Variants in ECD observed in about 807,000 individuals in gnomAD.
ECD encodes the protein ecdysoneless cell cycle regulator, also known as protein ecdysoneless homolog.
ECD carries 59 observed loss-of-function variants against 77.2 expected under a neutral mutation model. The observed-to-expected ratio is 0.76, with a 90% CI of 0.62 to 0.95. ECD has a LOEUF of 0.95. Among genes scored for constraint, ECD ranks in the 40% least tolerant of loss-of-function variants. The pLI is 0.00. For missense variants in ECD, 704 were observed against 763.4 expected, an observed-to-expected ratio of 0.92 and a Z score of 0.92; for synonymous variants, 233 against 267.4, an observed-to-expected ratio of 0.87 and a Z score of 1.26.
At position 73,154,408 on chromosome 10, in the gene ECD, A is replaced by G. The variant is rs776848178; in HGVS notation, c.631T>C (p.Cys211Arg). Reference protein sequence around the residue: ...KIQASLHRAHCFLPAGIVAVL... With the variant: ...KIQASLHRAHRFLPAGIVAVL... ...GCCACAATGCCAGCTGGAAGGAAGC[A>G]GTGTGCTCGATGAAGTGAGGCCTGA... Residue 211 changes from cysteine to arginine, a missense_variant, in exon 6 of 14, where the codon TGC becomes CGC. Transcript: ENST00000372979. 3 of 1,613,248 alleles carry G rather than the reference A, an allele frequency of 1.9e-6. No homozygotes were observed. The highest frequency in any genetic ancestry group is 2.5e-6 in the Non-Finnish European group (3 of 1,179,834).
chr10:73,148,164 T>A lies in ECD; in HGVS notation c.1041+112A>T, dbSNP rs1843152655. ...CTGAACTAGAAAGGTCTCCTTTAAGTCTAGCTTCCATAATTATGTCATACA... is the reference window on the plus strand; with the variant it reads ...CTGAACTAGAAAGGTCTCCTTTAAGACTAGCTTCCATAATTATGTCATACA... On this transcript the variant is annotated intron_variant, in intron 8 of 13. Coordinates refer to ENST00000372979, the MANE Select transcript of ECD (RefSeq NM_007265.3). 3 of 1,362,722 alleles carry A rather than the reference T, an allele frequency of 2.2e-6. No homozygotes were observed. In the Admixed American group the frequency reaches 7.7e-5, roughly 35 times the overall value. 84.4% of individuals were successfully genotyped at this position (1,362,722 alleles called of 1,614,324 possible). A position where few individuals can be genotyped will look rare whatever the true frequency, so the allele number is the denominator to read the frequency against.
Position 73,154,418 on chromosome 10 carries a change from A to G in ECD, c.621T>C (p.His207=). The G allele has an allele frequency of 6.2e-7, 1 of 1,612,072 alleles. No homozygotes were observed. Among genetic ancestry groups the G allele is most frequent in the Non-Finnish European group, 8.5e-7 (1 of 1,179,506 alleles). The change falls in exon 6 of 14, where the codon CAT becomes CAC. Residue 207 remains histidine, a synonymous_variant. Transcript: ENST00000372979. ...CAGCTGGAAGGAAGCAGTGTGCTCG[A>G]TGAAGTGAGGCCTGAATTTTTTCTG... ...GYPEKIQASL[H]RAHCFLPAGI...
intron 3 of ECD, among the ~76,000 whole-genome samples, chr10:73,159,061 T>C (rs1843340325): frequency 6.6e-6 from 1 of 152,190 alleles, no homozygotes; most frequent in African/African-American, 2.4e-5. Flanking sequence ...AATGGGAACA[T>C]GTGGGTTCAT....
intron 7 of ECD, among the ~76,000 whole-genome samples, chr10:73,150,694 C>T (rs10437351): frequency 0.1 from 15,946 of 152,054 alleles, 1,225 homozygotes; most frequent in East Asian, 0.3. Context: ...AACAAACAAC[C>T]CCATCAACAA....
intron 1 of ECD, 30 bp downstream of exon 1, chr10:73,167,836 A>G (rs1370067403): frequency 6.2e-6 from 1 of 162,290 alleles, no homozygotes; most frequent in Non-Finnish European, 1.3e-5. Flanking sequence ...CCCTCCTGCC[A>G]TCTAACAAAA....
At chr10:73,145,690 C>T (rs1364594644) in intron 9 of ECD, among the ~76,000 whole-genome samples, 5 of 132,744 alleles carry the variant, frequency 3.8e-5, no homozygotes, top group African/African-American at 8.7e-5. Context: ...GATGGAGTCT[C>T]GCTCTGTCCC....
intron 3 of ECD, 81 bp downstream of exon 3, chr10:73,160,353 T>A (rs1206842467): frequency 4.3e-6 from 4 of 926,798 alleles, no homozygotes; most frequent in African/African-American, 1.7e-5. Context: ...AGGAGAAAAA[T>A]AAATTACTAA....
chr10:73,154,586 A>G (rs539951199), intron 5 of ECD, 138 bp from the exon 6 acceptor site: 1 of 751,676 alleles, frequency 1.3e-6, no homozygotes, highest in Admixed American at 3.4e-5. Context: ...GAAAAAAGAT[A>G]CTGTATATAC....
chr10:73,165,964 C>T (rs1415975053), intron 1 of ECD, among the ~76,000 whole-genome samples: 2 of 152,094 alleles, frequency 1.3e-5, no homozygotes, highest in African/African-American at 4.8e-5. Flanking sequence ...CCCACAAACC[C>T]TCTGCAACCC....
At position 73,146,260 on chromosome 10, in the gene ECD, C is replaced by T. The variant is rs1843127125; in HGVS notation, c.1127+16G>A. On this transcript the variant is annotated intron_variant, in intron 9 of 13. Transcript: ENST00000372979. ...AAATACCAATCTTTGTAGTAGGAGT[C>T]TTAACAATAACTCACCTTTCTGGCC... The T allele has an allele frequency of 1.3e-6, 2 of 1,525,544 alleles. No homozygotes were observed. The highest frequency in any genetic ancestry group is 9.0e-7 in the Non-Finnish European group (1 of 1,113,752). 94.5% of individuals were successfully genotyped at this position (1,525,544 alleles called of 1,614,324 possible).
chr10:73,133,876 C>T lies in ECD; in HGVS notation c.*707G>A, dbSNP rs991618794. 2.0e-5 allele frequency: 3 copies of T among 152,018 alleles called. No homozygotes were observed. The highest frequency in any genetic ancestry group is 7.3e-5 in the African/African-American group (3 of 41,376). The allele number at this position is 152,018 out of a possible 1,614,324, so 9.4% of individuals were successfully genotyped here. On this transcript the variant is annotated 3_prime_UTR_variant, in exon 14 of 14. Transcript: ENST00000372979. ...TCCAAAATAGGCAAATCCATAGAGA[C>T]AGAAAGTAGACTAGTGGTTTCTAGG...
At position 73,136,778 on chromosome 10, in the gene ECD, A is replaced by G. The variant is rs142175521; in HGVS notation, c.1630T>C (p.Ser544Pro). The change falls in exon 13 of 14, where the codon TCA (serine) becomes CCA (proline). Residue 544 changes from serine to proline, a missense_variant. Physicochemically the swap from Ser to Pro is moderately conservative, Grantham distance 74 (BLOSUM62 -1). Coordinates refer to ENST00000372979, the MANE Select transcript of ECD (RefSeq NM_007265.3). The part of the protein sequence containing the change: ...SLKGTLDNLK[S>P]YMAQMDQELA... ...TCCTGGTCCATCTGGGCCATGTATG[A>G]CTTGAGATTATCAAGTGTTCCTTTC... 7.3e-5 allele frequency: 118 copies of G among 1,614,034 alleles called. No individual in the cohort carries two copies. Among genetic ancestry groups the G allele is most frequent in the Non-Finnish European group, 9.6e-5 (113 of 1,179,996 alleles).
chr10:73,139,302 A>G lies in ECD; in HGVS notation c.1421+7T>C, dbSNP rs756112205. 9 of 1,598,622 alleles carry G rather than the reference A, an allele frequency of 5.6e-6. 1 individual carries two copies. The highest frequency in any genetic ancestry group is 2.3e-5 in the South Asian group (2 of 88,192). ...TATTTATATATTTATACTTTAACACAAATTACCGAGGCAGCTCTGCTCCCT... is the reference window on the plus strand; with the variant it reads ...TATTTATATATTTATACTTTAACACGAATTACCGAGGCAGCTCTGCTCCCT... On this transcript the variant is annotated splice_region_variant and intron_variant, in intron 11 of 13. Coordinates refer to ENST00000372979, the MANE Select transcript of ECD (RefSeq NM_007265.3).
At chr10:73,143,874 T>TCATTTAGATCAGTGGTTCC (rs1197992486) in intron 9 of ECD, among the ~76,000 whole-genome samples, 1 of 151,278 alleles carries the variant, frequency 6.6e-6, no homozygotes, top group African/African-American at 2.4e-5. Flanking sequence ...TGAAATCTAT[T>TCATTTAGATCAGTGGTTCC]CATTTAGATC....
chr10:73,135,962 A>C (rs1842970194), intron 13 of ECD, among the ~76,000 whole-genome samples: 1 of 152,200 alleles, frequency 6.6e-6, no homozygotes, highest in Admixed American at 6.5e-5. Context: ...GATCAAAGCA[A>C]GGAGAATTAA....
chr10:73,149,464 C>A (rs1159480643), intron 7 of ECD, among the ~76,000 whole-genome samples: 3 of 152,208 alleles, frequency 2.0e-5, no homozygotes, highest in African/African-American at 7.2e-5. Flanking sequence ...ACAGTGGCAG[C>A]AAGCTGCAGT....
At chr10:73,137,268 A>G (rs182495063) in intron 12 of ECD, among the ~76,000 whole-genome samples, 2 of 152,222 alleles carry the variant, frequency 1.3e-5, no homozygotes, top group East Asian at 1.9e-4. Context: ...ATTGTCTCCA[A>G]TCTCACTCTC....
intron 1 of ECD, among the ~76,000 whole-genome samples, chr10:73,165,359 C>A (rs1432944125): frequency 6.8e-6 from 1 of 147,256 alleles, no homozygotes; most frequent in Non-Finnish European, 1.5e-5. Flanking sequence ...TTTTTCTTTT[C>A]TTTTTTTTTT....
At chr10:73,152,482 T>A in intron 6 of ECD, 61 bp from the exon 7 acceptor site, 1 of 1,560,606 alleles carries the variant, frequency 6.4e-7, no homozygotes, top group Non-Finnish European at 8.8e-7. Context: ...TGAATAACAC[T>A]TCACAGTTAA....
Sources: gnomAD v4.1 joint callset for allele counts (sites outside exome capture counted in the v4.1 genomes callset) on GRCh38, gnomAD v4.1.1 for gene constraint, MANE v1.5 for transcripts, NCBI Gene and HGNC (gene_info 2026-07-23, HGNC 2026-07-21) for gene names.